CACNA1G: variants seen among roughly 807,000 people sequenced by gnomAD.
CACNA1G encodes voltage-dependent T-type calcium channel subunit alpha-1G.
CACNA1G carries 67 observed loss-of-function variants against 219.4 expected under a neutral mutation model. That is an observed-to-expected ratio of 0.31 (90% CI 0.25 to 0.37). CACNA1G has a LOEUF of 0.37. Ranked by LOEUF, CACNA1G falls within the 10% of genes least tolerant of loss-of-function variation. CACNA1G has a pLI of 1.00. For missense variants in CACNA1G, 2,380 were observed against 3,231.4 expected, an observed-to-expected ratio of 0.74 and a Z score of 6.39; for synonymous variants, 1,296 against 1,345.3, an observed-to-expected ratio of 0.96 and a Z score of 0.80.
intron 19 of CACNA1G, 100 bp from the exon 20 acceptor site, chr17:50,602,720 T>C: frequency 9.6e-7 from 1 of 1,045,380 alleles, no homozygotes; most frequent in Non-Finnish European, 1.5e-6. Flanking sequence ...GTTTTCTGAG[T>C]CAAATGTTAG....
chr17:50,578,763 T>C lies in CACNA1G; in HGVS notation c.2301+199T>C, dbSNP rs9899670. On this transcript the variant is annotated intron_variant, in intron 9 of 37. Coordinates refer to ENST00000359106, the MANE Select transcript of CACNA1G (RefSeq NM_018896.5). This position sits in a 1 kb window ranked among gnomAD's most constrained non-coding sequence, Gnocchi z 4.5. ...AGGGAGTGCTTAAAGTCTCTGAGTATGGAGGTCGCCTCAGGTAGGCCACAG... is the reference window on the plus strand; with the variant it reads ...AGGGAGTGCTTAAAGTCTCTGAGTACGGAGGTCGCCTCAGGTAGGCCACAG... Among the ~76,000 whole-genome samples, 3,699 of 152,242 alleles carry C rather than the reference T, an allele frequency of 0.024. 155 individuals carry two copies. Among genetic ancestry groups the C allele is most frequent in the African/African-American group, 0.084 (3,496 of 41,526 alleles).
At chr17:50,586,238 G>A (rs191151622) in intron 9 of CACNA1G, among the ~76,000 whole-genome samples, 29 of 151,172 alleles carry the variant, frequency 1.9e-4, no homozygotes, top group East Asian at 1.2e-3. Context: ...CTTCCCACCC[G>A]CCCCCAGGGC....
chr17:50,573,584 G>C (rs998182588), intron 7 of CACNA1G: 2 of 153,504 alleles, frequency 1.3e-5, no homozygotes. Context: ...GTAAGGACAA[G>C]GGGAGTGCAA....
chr17:50,600,264 C>CTCATCA lies in CACNA1G; in HGVS notation c.3690+406_3690+411dup, dbSNP rs1236916657. Among the ~76,000 whole-genome samples the CTCATCA allele has an allele frequency of 6.6e-6, 1 of 152,226 alleles. No individual in the cohort carries two copies. The highest frequency in any genetic ancestry group is 2.4e-5 in the African/African-American group (1 of 41,462). ...TACCCATGTGCCCCTGCCCCAGCCC[C>CTCATCA]TCATCACCACCATTCCCCCTGGGGA... On this transcript the variant is annotated intron_variant, in intron 17 of 37. Coordinates refer to ENST00000359106, the MANE Select transcript of CACNA1G (RefSeq NM_018896.5). This position sits in a 1 kb window ranked among gnomAD's most constrained non-coding sequence, Gnocchi z 4.1.
rs546218602 is a variant in CACNA1G, at chr17:50,573,147, C to A, written c.1140+34C>A. On this transcript the variant is annotated intron_variant, in intron 7 of 37. Transcript: ENST00000359106. ...CTCCTCAGATCCCCGTGGGGATGGG[C>A]GATCCTGGGGACACCTGTGGGGGCA... The A allele has an allele frequency of 5.5e-6, 8 of 1,465,096 alleles. No homozygotes were observed. The South Asian group carries it at 7.3e-5, about 13-fold the overall frequency. 90.8% of individuals were successfully genotyped at this position (1,465,096 alleles called of 1,614,324 possible).
intron 1 of CACNA1G, among the ~76,000 whole-genome samples, chr17:50,565,934 C>T (rs1194093277): frequency 6.6e-6 from 1 of 152,144 alleles, no homozygotes; most frequent in Non-Finnish European, 1.5e-5. Flanking sequence ...CCCTCTCCTA[C>T]CCCCTCTTTG....
rs545734734 is a variant in CACNA1G at position 50,588,648 on chromosome 17, C to T, written c.2302-1823C>T. On this transcript the variant is annotated intron_variant, in intron 9 of 37. Transcript: ENST00000359106. ...AGGTGGCAGTGCCCCCACTCACAATCCACGGAGCTACGACTTACTTGAGAT... is the reference window on the plus strand; with the variant it reads ...AGGTGGCAGTGCCCCCACTCACAATTCACGGAGCTACGACTTACTTGAGAT... Among the ~76,000 whole-genome samples, 123 of 152,162 alleles carry T rather than the reference C, an allele frequency of 8.1e-4. 1 individual carries two copies. Among genetic ancestry groups the T allele is most frequent in the African/African-American group, 2.8e-3 (114 of 41,412 alleles).
At chr17:50,561,944 T>TG (rs1223701547) in intron 1 of CACNA1G, 28 of 27,088 alleles carry the variant, frequency 1.0e-3, no homozygotes, top group Non-Finnish European at 4.3e-4. Flanking sequence ...CTTCCTGGGT[T>TG]GGGGGGGTGG....
At chr17:50,573,921 G>A (rs1271525762) in intron 7 of CACNA1G, among the ~76,000 whole-genome samples, 1 of 152,174 alleles carries the variant, frequency 6.6e-6, no homozygotes, top group Non-Finnish European at 1.5e-5. Flanking sequence ...AATCCTCACC[G>A]TGATCCTCTC....
At chr17:50,593,074 G>A (rs1012625707) in intron 13 of CACNA1G, among the ~76,000 whole-genome samples, 2 of 152,118 alleles carry the variant, frequency 1.3e-5, no homozygotes, top group Non-Finnish European at 2.9e-5. Flanking sequence ...ATCCGTTATC[G>A]CATTTCCTCC....
intron 19 of CACNA1G, among the ~76,000 whole-genome samples, chr17:50,601,914 T>G (rs2046749844): frequency 2.0e-5 from 3 of 152,142 alleles, no homozygotes; most frequent in African/African-American, 7.2e-5. Context: ...CACACCATTG[T>G]TTAGATTTCA....
chr17:50,578,942 G>A lies in CACNA1G; in HGVS notation c.2301+378G>A, dbSNP rs2041304873. On this transcript the variant is annotated intron_variant, in intron 9 of 37. Transcript: ENST00000359106. This position sits in a 1 kb window ranked among gnomAD's most constrained non-coding sequence, Gnocchi z 4.5. ...GCGGAGGGCGGGTGTTGGAGGTCCT[G>A]TGGCATCCATCTGACCCACTAAGTC... Among the ~76,000 whole-genome samples the A allele has an allele frequency of 6.6e-6, 1 of 152,124 alleles. No homozygotes were observed. Among genetic ancestry groups the A allele is most frequent in the African/African-American group, 2.4e-5 (1 of 41,414 alleles).
intron 28 of CACNA1G, among the ~76,000 whole-genome samples, chr17:50,616,981 C>T (rs777753530): frequency 8.5e-5 from 13 of 152,208 alleles, no homozygotes; most frequent in East Asian, 3.9e-4. Flanking sequence ...GCTGGGACTA[C>T]GGGCACCCAC....
At chr17:50,615,970 T>C (rs1198791575) in intron 27 of CACNA1G, among the ~76,000 whole-genome samples, 2 of 152,236 alleles carry the variant, frequency 1.3e-5, no homozygotes, top group Admixed American at 1.3e-4. Context: ...GTTGAATTTG[T>C]AATGCACAAG....
chr17:50,561,443 C>A lies in CACNA1G; in HGVS notation c.-17C>A, dbSNP rs906392544. On this transcript the variant is annotated 5_prime_UTR_variant, in exon 1 of 38. Coordinates refer to ENST00000359106, the MANE Select transcript of CACNA1G (RefSeq NM_018896.5). Reference sequence around the variant, plus strand: ...TTGCCCCTCTCCGGATCGCCCGGGGCCCCGGCTGGCCAGAGGATGGACGAG... The same window carrying A: ...TTGCCCCTCTCCGGATCGCCCGGGGACCCGGCTGGCCAGAGGATGGACGAG... 3.3e-6 allele frequency: 5 copies of A among 1,533,424 alleles called. No individual in the cohort carries two copies. In the African/African-American group the frequency reaches 5.5e-5, roughly 17 times the overall value. The allele number at this position is 1,533,424 out of a possible 1,614,324, so 95.0% of individuals were successfully genotyped here.
At position 50,609,895 on chromosome 17, in the gene CACNA1G, C is replaced by T. The variant is rs762659912; in HGVS notation, c.4719C>T (p.Asp1573=). The change falls in exon 26 of 38, where the codon GAC becomes GAT. Residue 1573 remains aspartate (D), a synonymous_variant. Transcript: ENST00000359106. ...LEKKRRNLML[D]DVIASGSSAS... ...TCGTTCTTTTAGATCTAATGCTGGA[C>T]GATGTAATTGCTTCCGGCAGCTCAG... is the stretch of plus-strand genomic sequence containing the variant. The T allele has an allele frequency of 5.6e-6, 9 of 1,611,508 alleles. No homozygotes were observed. Among genetic ancestry groups the T allele is most frequent in the Middle Eastern group, 1.6e-4 (1 of 6,084 alleles).
intron 1 of CACNA1G, among the ~76,000 whole-genome samples, chr17:50,566,873 C>T (rs1335119564): frequency 6.6e-6 from 1 of 152,212 alleles, no homozygotes; most frequent in East Asian, 1.9e-4. Context: ...ATTACTAACA[C>T]GGTGGAACTC....
chr17:50,593,067 C>T (rs562926428), intron 13 of CACNA1G, among the ~76,000 whole-genome samples: 12 of 152,196 alleles, frequency 7.9e-5, no homozygotes, highest in Non-Finnish European at 1.6e-4. Flanking sequence ...TGTAGTTATC[C>T]GTTATCGCAT....
At chr17:50,590,681 G>T in intron 10 of CACNA1G, 59 bp downstream of exon 10, 1 of 1,537,610 alleles carries the variant, frequency 6.5e-7, no homozygotes, top group Non-Finnish European at 8.9e-7. Flanking sequence ...GGTGGCTTGG[G>T]GCCAGGGGCC....
Sources: gnomAD v4.1 joint callset for allele counts (sites outside exome capture counted in the v4.1 genomes callset) on GRCh38, gnomAD v4.1.1 for gene constraint, Gnocchi (gnomAD v3.1) non-coding constraint, MANE v1.5 for transcripts, NCBI Gene and HGNC (gene_info 2026-07-23, HGNC 2026-07-21) for gene names.